PRMT1: variants seen among roughly 807,000 people sequenced by gnomAD.
PRMT1 encodes the protein protein arginine N-methyltransferase 1.
In PRMT1, 5 loss-of-function variants were observed where a neutral mutation model predicts 47.4. The observed-to-expected ratio is 0.11, with a 90% CI of 0.06 to 0.22. The LOEUF (loss-of-function observed/expected upper bound fraction) is 0.22. Among genes scored for constraint, PRMT1 ranks in the 10% least tolerant of loss-of-function variants. The pLI is 1.00. For synonymous variants in PRMT1, 227 were observed against 204.6 expected (o/e 1.11, Z -0.94); for missense variants, 249 against 518.4 (o/e 0.48, Z 5.05).
chr19:49,687,765 G>A (rs556153833), intron 10 of PRMT1: 165 of 280,960 alleles, frequency 5.9e-4, no homozygotes, highest in African/African-American at 3.4e-3. Flanking sequence ...TGGAGGGTAT[G>A]GGGGGAGGAG....
Position 49,686,598 on chromosome 19 carries a change from C to A in PRMT1, c.911-7C>A. The stretch of plus-strand genomic sequence containing the variant: ...GCCGAGGCCGGCTGACCCGCCCGCG[C>A]CCCCAGGCCCCGAGTCCCCGTACAC... On this transcript the variant is annotated splice_region_variant and splice_polypyrimidine_tract_variant and intron_variant, in intron 9 of 10. Transcript: ENST00000454376. 6.2e-7 allele frequency: 1 copy of A among 1,609,068 alleles called. No individual in the cohort carries two copies. The highest frequency in any genetic ancestry group is 8.5e-7 in the Non-Finnish European group (1 of 1,178,380).
At chr19:49,683,866 G>T in intron 5 of PRMT1, 61 bp from the exon 6 acceptor site, 1 of 1,570,904 alleles carries the variant, frequency 6.4e-7, no homozygotes, top group Non-Finnish European at 8.6e-7. Context: ...AGCCCCCGGG[G>T]GAGGTGAGGT....
chr19:49,681,297 C>G lies in PRMT1; in HGVS notation c.193-613C>G. On this transcript the variant is annotated intron_variant, in intron 3 of 10. Coordinates refer to ENST00000454376, the MANE Select transcript of PRMT1 (RefSeq NM_001536.6). The surrounding 1 kb of genome is among the most constrained non-coding windows in gnomAD (Gnocchi z 4.4). ...CTCTTGGGATCAAGTGATCCTCCGGCTTTGGCCTCCTGAGGTGCTGGGATT... is the reference window on the plus strand; with the variant it reads ...CTCTTGGGATCAAGTGATCCTCCGGGTTTGGCCTCCTGAGGTGCTGGGATT... Among the ~76,000 whole-genome samples the G allele has an allele frequency of 6.6e-6, 1 of 152,216 alleles. No individual in the cohort carries two copies. Among genetic ancestry groups the G allele is most frequent in the East Asian group, 1.9e-4 (1 of 5,176 alleles).
At chr19:49,677,393 C>G in intron 1 of PRMT1, 77 bp downstream of exon 1, 2 of 1,282,938 alleles carry the variant, frequency 1.6e-6, no homozygotes, top group Non-Finnish European at 2.0e-6. Flanking sequence ...GGGGAAAGGG[C>G]TCTAAGTTGG....
intron 5 of PRMT1, 177 bp from the exon 6 acceptor site, chr19:49,683,750 C>G: frequency 1.5e-6 from 1 of 663,018 alleles, no homozygotes. Flanking sequence ...ATTTCTGCTC[C>G]TGCCTCAAAA....
Position 49,688,047 on chromosome 19 carries a change from C to A in PRMT1, c.1033-115C>A. 1.1e-6 allele frequency: 1 copy of A among 938,636 alleles called. No individual in the cohort carries two copies. Among genetic ancestry groups the A allele is most frequent in the Non-Finnish European group, 1.8e-6 (1 of 571,042 alleles). The allele number at this position is 938,636 out of a possible 1,614,324, so 58.1% of individuals were successfully genotyped here. ...TGGGACCAGCAGTTGGGGTCTGCAG[C>A]GTGGAGATGGGCAGGAAGCTGGAGC... On this transcript the variant is annotated intron_variant, in intron 10 of 10. Transcript: ENST00000454376. The surrounding 1 kb of genome is among the most constrained non-coding windows in gnomAD (Gnocchi z 5.3).
chr19:49,683,887 C>A (rs1440443107), intron 5 of PRMT1, 40 bp from the exon 6 acceptor site: 1 of 1,588,342 alleles, frequency 6.3e-7, no homozygotes. Flanking sequence ...GAGGGGCAGG[C>A]CTCCCGGGGG....
upstream of PRMT1, chr19:49,677,238 G>C (rs764608889): frequency 2.5e-5 from 35 of 1,404,776 alleles, no homozygotes; most frequent in South Asian, 3.3e-5. Context: ...TGAGGAGAAA[G>C]GGGGGGTCTT....
rs2082108573 is a variant in PRMT1 at position 49,680,880 on chromosome 19, G to C, written c.192+292G>C. 6.6e-6 allele frequency among the ~76,000 whole-genome samples: 1 copy of C among 152,248 alleles called. No homozygotes were observed. The highest frequency in any genetic ancestry group is 1.5e-5 in the Non-Finnish European group (1 of 68,040). ...GCCCACTGGTCTCTGCCGCCCTCTA[G>C]TGACCGGCGGTGGGACTGCGCCCCG... On this transcript the variant is annotated intron_variant, in intron 3 of 10. Transcript: ENST00000454376. This position sits in a 1 kb window ranked among gnomAD's most constrained non-coding sequence, Gnocchi z 4.2.
intron 1 of PRMT1, 136 bp from the exon 2 acceptor site, chr19:49,679,736 C>T: frequency 1.4e-6 from 1 of 695,970 alleles, no homozygotes; most frequent in South Asian, 1.6e-5. Flanking sequence ...CATTACTTGC[C>T]CCCTTCGCCA....
In PRMT1 at chr19:49,681,463, C is replaced by T. The variant is rs148950171; in HGVS notation, c.193-447C>T. Among the ~76,000 whole-genome samples, 3,572 of 152,036 alleles carry T rather than the reference C, an allele frequency of 0.023. 54 individuals are homozygous for T. The highest frequency in any genetic ancestry group is 0.03 in the Non-Finnish European group (2,062 of 67,968). On this transcript the variant is annotated intron_variant, in intron 3 of 10. Coordinates refer to ENST00000454376, the MANE Select transcript of PRMT1 (RefSeq NM_001536.6). This position sits in a 1 kb window ranked among gnomAD's most constrained non-coding sequence, Gnocchi z 4.4. ...TTTTTAAAAAGGGAAACTGGCTGGG[C>T]GCAGTGGTTCACGCCTGTAATCCCA...
intron 5 of PRMT1, among the ~76,000 whole-genome samples, chr19:49,683,326 C>G (rs898458069): frequency 6.6e-5 from 10 of 152,044 alleles, no homozygotes; most frequent in African/African-American, 2.4e-4. Flanking sequence ...TGTGTCTTAT[C>G]TAATAGATAA....
chr19:49,676,892 G>T (rs1485507790), upstream of PRMT1, among the ~76,000 whole-genome samples: 1 of 152,146 alleles, frequency 6.6e-6, no homozygotes, highest in African/African-American at 2.4e-5. Flanking sequence ...TTTTGGTGAT[G>T]GACAGGTGTT....
At chr19:49,677,133 T>A (rs2082045858), upstream of PRMT1, 1 of 653,412 alleles carries the variant, frequency 1.5e-6, no homozygotes, top group Non-Finnish European at 2.3e-6. Flanking sequence ...TAGACGGTAT[T>A]CTCAGACGGG....
In PRMT1 at chr19:49,685,924, G is replaced by A. The variant is rs1170000963; in HGVS notation, c.760-169G>A. On this transcript the variant is annotated intron_variant, in intron 8 of 10. Transcript: ENST00000454376. The surrounding 1 kb of genome is among the most constrained non-coding windows in gnomAD (Gnocchi z 4.7). ...GAACCCACATGGTTTATTGGGAGCC[G>A]GATAGGCAGGATGCAGAGTGAAGGA... The A allele has an allele frequency of 2.0e-5, 28 of 1,433,114 alleles. No homozygotes were observed. The highest frequency in any genetic ancestry group is 1.8e-4 in the South Asian group (12 of 66,968). The allele number at this position is 1,433,114 out of a possible 1,614,324, so 88.8% of individuals were successfully genotyped here.
Position 49,683,589 on chromosome 19 carries a change from G to A in PRMT1, c.413-338G>A, listed in dbSNP as rs2082154743. ...TGTAGTCCCAGCTACTCGGGAGGCTGAAGCAGGAGAATGGCGTGAACCCGG... is the reference window on the plus strand; with the variant it reads ...TGTAGTCCCAGCTACTCGGGAGGCTAAAGCAGGAGAATGGCGTGAACCCGG... On this transcript the variant is annotated intron_variant, in intron 5 of 10. Coordinates refer to ENST00000454376, the MANE Select transcript of PRMT1 (RefSeq NM_001536.6). 4 of 205,082 alleles carry A rather than the reference G, an allele frequency of 2.0e-5. No individual in the cohort carries two copies. In the South Asian group the frequency reaches 2.6e-4, roughly 13 times the overall value. 12.7% of individuals were successfully genotyped at this position (205,082 alleles called of 1,614,324 possible). A position where few individuals can be genotyped will look rare whatever the true frequency, so the allele number is the denominator to read the frequency against.
chr19:49,676,430 A>C (rs910375531), upstream of PRMT1: 1 of 151,994 alleles, frequency 6.6e-6, no homozygotes, highest in Non-Finnish European at 1.5e-5. Flanking sequence ...AGCTGACCAG[A>C]CAAAGAGAGG....
chr19:49,681,558 T>G lies in PRMT1; in HGVS notation c.193-352T>G, dbSNP rs923166652. On this transcript the variant is annotated intron_variant, in intron 3 of 10. Transcript: ENST00000454376. This position sits in a 1 kb window ranked among gnomAD's most constrained non-coding sequence, Gnocchi z 4.4. ...TTGAAGACCAACCTGGGCAATATGGTGAAACCCCATCTGTATGAAAAATAC... is the reference window on the plus strand; with the variant it reads ...TTGAAGACCAACCTGGGCAATATGGGGAAACCCCATCTGTATGAAAAATAC... Among the ~76,000 whole-genome samples the G allele has an allele frequency of 6.6e-6, 1 of 151,896 alleles. No individual in the cohort carries two copies. Among genetic ancestry groups the G allele is most frequent in the Non-Finnish European group, 1.5e-5 (1 of 67,990 alleles).
chr19:49,687,634 C>T (rs1185957140), intron 10 of PRMT1, among the ~76,000 whole-genome samples: 4 of 152,110 alleles, frequency 2.6e-5, no homozygotes, highest in African/African-American at 9.6e-5. Flanking sequence ...CCTGCAGCCA[C>T]AGGACCACCC....
Sources: gnomAD v4.1 joint callset for allele counts (sites outside exome capture counted in the v4.1 genomes callset) on GRCh38, gnomAD v4.1.1 for gene constraint, Gnocchi (gnomAD v3.1) non-coding constraint, MANE v1.5 for transcripts, NCBI Gene and HGNC (gene_info 2026-07-23, HGNC 2026-07-21) for gene names.